Variants in MCTP2 observed in about 807,000 individuals in gnomAD.
The protein encoded by MCTP2 is multiple C2 and transmembrane domain containing 2, also known as multiple C2 and transmembrane domain-containing protein 2.
A neutral mutation model predicts 111.6 loss-of-function variants in MCTP2; 132 were observed. The observed-to-expected ratio is 1.18, with a 90% CI of 1.03 to 1.37. The LOEUF (loss-of-function observed/expected upper bound fraction) is 1.37. Among genes scored for constraint, MCTP2 ranks in the 40% most tolerant of loss-of-function variants. The pLI, the probability that MCTP2 is intolerant of heterozygous loss-of-function variation, is 0.00. For synonymous variants in MCTP2, 395 were observed against 387.7 expected (o/e 1.02, Z -0.22); for missense variants, 1,183 against 1,067.9 (o/e 1.11, Z -1.50).
intron 17 of MCTP2, among the ~76,000 whole-genome samples, chr15:94,415,953 A>G (rs1194458269): frequency 6.6e-6 from 1 of 152,152 alleles, no homozygotes; most frequent in East Asian, 1.9e-4. Flanking sequence ...TCCCAATGGC[A>G]GTTTAGGAAA....
chr15:94,366,509 C>G (rs931128766), intron 10 of MCTP2, among the ~76,000 whole-genome samples: 3 of 152,088 alleles, frequency 2.0e-5, no homozygotes, highest in African/African-American at 4.8e-5. Flanking sequence ...ATCCACATAG[C>G]CATGTGGCTC....
rs78750443 is a variant in MCTP2 at position 94,465,602 on chromosome 15, A to G, written c.2361-4731A>G. On this transcript the variant is annotated intron_variant, in intron 20 of 22. Transcript: ENST00000357742. ...TCACCTTTCTTTTCTCCTTTTCTGT[A>G]CTTTTCTTTCAACCTGTCTTTTTGT... Among the ~76,000 whole-genome samples, 87 of 152,186 alleles carry G rather than the reference A, an allele frequency of 5.7e-4. 1 individual carries two copies. In the East Asian group the frequency reaches 0.014, roughly 24 times the overall value.
chr15:94,335,826 C>T (rs979905579), intron 4 of MCTP2, among the ~76,000 whole-genome samples: 6 of 152,142 alleles, frequency 3.9e-5, no homozygotes, highest in Admixed American at 6.5e-5. Flanking sequence ...ATTGTGAAAG[C>T]GTGAGTCCAC....
At chr15:94,407,951 C>T (rs74581892) in intron 17 of MCTP2, among the ~76,000 whole-genome samples, 154 of 152,070 alleles carry the variant, frequency 1.0e-3, no homozygotes, top group African/African-American at 3.5e-3. Context: ...CTCTGTGGAC[C>T]GAAAAACATT....
At chr15:94,415,710 C>T (rs2082341460) in intron 17 of MCTP2, among the ~76,000 whole-genome samples, 1 of 151,808 alleles carries the variant, frequency 6.6e-6, no homozygotes, top group Non-Finnish European at 1.5e-5. Context: ...GACCAACCCA[C>T]ATTTAGGACG....
chr15:94,310,679 TA>T (rs1289605081), intron 2 of MCTP2, among the ~76,000 whole-genome samples: 2 of 151,178 alleles, frequency 1.3e-5, no homozygotes, highest in Admixed American at 6.6e-5. Context: ...ATAAAATAAA[TA>T]AAACTATTTT....
intron 2 of MCTP2, among the ~76,000 whole-genome samples, chr15:94,308,960 TATTAG>T (rs1471285408): frequency 6.0e-4 from 92 of 152,352 alleles, no homozygotes; most frequent in Middle Eastern, 3.4e-3. Flanking sequence ...CAGATTTTGC[TATTAG>T]ATTAGACAGT....
intron 14 of MCTP2, among the ~76,000 whole-genome samples, chr15:94,394,750 G>A (rs989198805): frequency 6.6e-6 from 1 of 152,004 alleles, no homozygotes; most frequent in Non-Finnish European, 1.5e-5. Context: ...GGGCGACAGG[G>A]TGAGACTCCA....
intron 1 of MCTP2, among the ~76,000 whole-genome samples, chr15:94,253,873 G>A (rs1260792968): frequency 1.3e-5 from 2 of 151,974 alleles, no homozygotes; most frequent in Non-Finnish European, 2.9e-5. Flanking sequence ...AAAAAAATCT[G>A]GTGGTAGTAT....
chr15:94,422,277 A>G (rs1375221015), intron 17 of MCTP2, among the ~76,000 whole-genome samples: 1 of 152,166 alleles, frequency 6.6e-6, no homozygotes, highest in East Asian at 1.9e-4. Flanking sequence ...GGGCCAATCA[A>G]AAGGGAAAGG....
At chr15:94,477,118 G>C (rs967854033) in intron 22 of MCTP2, among the ~76,000 whole-genome samples, 1 of 152,180 alleles carries the variant, frequency 6.6e-6, no homozygotes, top group African/African-American at 2.4e-5. Flanking sequence ...AATTGCATGA[G>C]ATCCAAACCC....
At chr15:94,244,806 A>T (rs28971989) in intron 1 of MCTP2, among the ~76,000 whole-genome samples, 2 of 103,064 alleles carry the variant, frequency 1.9e-5, no homozygotes, top group Non-Finnish European at 4.7e-5. Context: ...ATGTTTATAT[A>T]CGTATATGTA....
At chr15:94,340,978 G>A (rs770524714) in intron 7 of MCTP2, 54 bp downstream of exon 7, 6 of 1,134,768 alleles carry the variant, frequency 5.3e-6, no homozygotes, top group Non-Finnish European at 6.7e-6. Flanking sequence ...TTTTGAAATG[G>A]CTCATTGCAA....
intron 4 of MCTP2, 69 bp downstream of exon 4, chr15:94,315,706 TGTCA>T: frequency 1.8e-6 from 2 of 1,131,664 alleles, no homozygotes; most frequent in Non-Finnish European, 2.7e-6. Flanking sequence ...GTATCAATAT[TGTCA>T]GTCAGGCTTT....
chr15:94,250,674 C>T (rs1034917388), intron 1 of MCTP2, among the ~76,000 whole-genome samples: 7 of 152,128 alleles, frequency 4.6e-5, no homozygotes, highest in Non-Finnish European at 1.0e-4. Flanking sequence ...ATGAGCTGTG[C>T]AAGGTGAAGT....
At chr15:94,471,820 C>A (rs918552308) in intron 21 of MCTP2, among the ~76,000 whole-genome samples, 5 of 149,538 alleles carry the variant, frequency 3.3e-5, no homozygotes, top group African/African-American at 1.2e-4. Flanking sequence ...TTTGCATCAA[C>A]TGGTTATCTT....
chr15:94,358,247 T>C (rs1156963886), intron 9 of MCTP2, among the ~76,000 whole-genome samples: 1 of 152,210 alleles, frequency 6.6e-6, no homozygotes, highest in African/African-American at 2.4e-5. Flanking sequence ...AACAGTACTC[T>C]TTGTAACTTG....
chr15:94,369,912 T>A (rs1381212721), intron 11 of MCTP2, among the ~76,000 whole-genome samples, 175 bp from the exon 12 acceptor site: 3 of 152,174 alleles, frequency 2.0e-5, no homozygotes, highest in African/African-American at 7.2e-5. Context: ...TCTTTTAATC[T>A]GGCTGCTATA....
intron 1 of MCTP2, among the ~76,000 whole-genome samples, chr15:94,236,316 C>T (rs1256743082): frequency 7.1e-6 from 1 of 140,506 alleles, no homozygotes; most frequent in African/African-American, 2.6e-5. Flanking sequence ...TGTCCTATTA[C>T]ATTTTTTTTT....
Sources: gnomAD v4.1 joint callset for allele counts (sites outside exome capture counted in the v4.1 genomes callset) on GRCh38, gnomAD v4.1.1 for gene constraint, MANE v1.5 for transcripts, NCBI Gene and HGNC (gene_info 2026-07-23, HGNC 2026-07-21) for gene names.